The following ANO8 variants were observed in gnomAD, a reference collection of about 807,000 sequenced individuals.
ANO8 encodes the protein anoctamin-8.
In ANO8, 67 loss-of-function variants were observed where a neutral mutation model predicts 120.4. The ratio of observed to expected loss-of-function variants is 0.56; its 90% confidence interval spans 0.46 to 0.68. The LOEUF (loss-of-function observed/expected upper bound fraction) is 0.68. Ranked by LOEUF, ANO8 falls within the 30% of genes least tolerant of loss-of-function variation. The probability of loss-of-function intolerance (pLI) is 0.00; values close to 1 mark genes in which losing one functional copy is unlikely to be tolerated. For synonymous variants in ANO8, 727 were observed against 759.2 expected (o/e 0.96, Z 0.70); for missense variants, 1,526 against 1,737.6 (o/e 0.88, Z 2.16).
chr19:17,333,784 C>T lies in ANO8; in HGVS notation c.123G>A (p.Lys41=), dbSNP rs1398753545. The T allele has an allele frequency of 6.2e-7, 1 of 1,601,304 alleles. No homozygotes were observed. Among genetic ancestry groups the T allele is most frequent in the Non-Finnish European group, 8.5e-7 (1 of 1,175,154 alleles). ...ASGVLDKLFG[K]RLLQAGRYLV... is the part of the protein sequence containing the mutation. ...GGTAGCGACCAGCCTGCAGGAGCCGCTTTCCGAAAAGCTTATCTAGGGGGC... is the reference window on the plus strand; with the variant it reads ...GGTAGCGACCAGCCTGCAGGAGCCGTTTTCCGAAAAGCTTATCTAGGGGGC... The change falls in exon 2 of 18, where the codon AAG becomes AAA. Residue 41 remains lysine, a synonymous_variant. Coordinates refer to ENST00000159087, the MANE Select transcript of ANO8 (RefSeq NM_020959.3). The surrounding 1 kb of genome is among the most constrained non-coding windows in gnomAD (Gnocchi z 7.2).
Position 17,323,311 on chromosome 19 carries a change from C to CTGTGTGTG in ANO8, c.*198_*205dup, listed in dbSNP as rs58263758. The CTGTGTGTG allele has an allele frequency of 0.094, 30,631 of 324,904 alleles. 969 individuals carry two copies. The highest frequency in any genetic ancestry group is 0.11 in the Non-Finnish European group (19,001 of 178,630). 20.1% of individuals were successfully genotyped at this position (324,904 alleles called of 1,614,324 possible). A position where few individuals can be genotyped will look rare whatever the true frequency, so the allele number is the denominator to read the frequency against. On this transcript the variant is annotated 3_prime_UTR_variant, in exon 18 of 18. Transcript: ENST00000159087. Reference sequence around the variant, plus strand: ...AAAAACAAATAAATAATCGCCTGTTCTGTGTGTGTGTGTGTGTGTGTGTGT... The same window carrying CTGTGTGTG: ...AAAAACAAATAAATAATCGCCTGTTCTGTGTGTGTGTGTGTGTGTGTGTGTGTGTGTGT...
At position 17,330,164 on chromosome 19, in the gene ANO8, C is replaced by T. The variant is rs779025602; in HGVS notation, c.1234G>A (p.Glu412Lys). Residue 412 changes from glutamate to lysine, a missense_variant, in exon 10 of 18, where the codon GAG becomes AAG. Glu to Lys is a moderately conservative substitution (Grantham distance 56, BLOSUM62 1). This residue lies in a region of ANO8 where 91 missense variants were observed against 85.3 expected (regional missense o/e 1.07). Coordinates refer to ENST00000159087, the MANE Select transcript of ANO8 (RefSeq NM_020959.3). ...MLALLVSVSA[E>K]GYKKLAIWLN... Reference sequence around the variant, plus strand: ...CAGATGGCTAGCTTCTTGTAGCCCTCGGCACTCACACTGACAAGCAGGGCC... The same window carrying T: ...CAGATGGCTAGCTTCTTGTAGCCCTTGGCACTCACACTGACAAGCAGGGCC... 9 of 1,613,882 alleles carry T rather than the reference C, an allele frequency of 5.6e-6. No homozygotes were observed. Among genetic ancestry groups the T allele is most frequent in the African/African-American group, 1.3e-5 (1 of 74,862 alleles).
chr19:17,324,912 G>T lies in ANO8; in HGVS notation c.3136C>A (p.Pro1046Thr), dbSNP rs2145683350. The T allele has an allele frequency of 1.2e-6, 2 of 1,613,458 alleles. No homozygotes were observed. The highest frequency in any genetic ancestry group is 2.2e-5 in the East Asian group (1 of 44,874). The change falls in exon 17 of 18, where the codon CCC becomes ACC. Residue 1046 changes from proline to threonine, a missense_variant. Around this residue, in one of 8 missense-constraint regions of ANO8, gnomAD observed 489 missense variants for 548.6 expected, o/e 0.89. Coordinates refer to ENST00000159087, the MANE Select transcript of ANO8 (RefSeq NM_020959.3). ...RRDSERSHSP[P>T]KAFHAGKLFP... ...AGCTTGCCAGCATGGAAGGCTTTGGGCGGTGAGTGGCTGCGCTCAGAGTCC... is the reference window on the plus strand; with the variant it reads ...AGCTTGCCAGCATGGAAGGCTTTGGTCGGTGAGTGGCTGCGCTCAGAGTCC...
At position 17,334,746 on chromosome 19, in the gene ANO8, C is replaced by A; in HGVS notation, c.-76G>T. On this transcript the variant is annotated 5_prime_UTR_variant, in exon 1 of 18. Coordinates refer to ENST00000159087, the MANE Select transcript of ANO8 (RefSeq NM_020959.3). ...CCGCGGGCTCATGGGGCCGGTGCAG[C>A]CGCGGAGCGCGCGGGAGGAGGAGAC... 7.9e-7 allele frequency: 1 copy of A among 1,258,558 alleles called. No homozygotes were observed. The highest frequency in any genetic ancestry group is 1.0e-6 in the Non-Finnish European group (1 of 970,232). The allele number at this position is 1,258,558 out of a possible 1,614,324, so 78.0% of individuals were successfully genotyped here.
Position 17,323,876 on chromosome 19 carries a change from G to A in ANO8, c.3340C>T (p.Leu1114=). ...RPEEEGSGTA[L]APVGAPALRT... is the part of the protein sequence containing the mutation. ...AGGGCAGGGGCGCCCACGGGGGCCA[G>A]CGCTGTCCCTGCGGAGGCGAGAGGG... Residue 1114 remains leucine, a synonymous_variant, in exon 18 of 18, where the codon CTG becomes TTG. Transcript: ENST00000159087. 1 of 1,120,994 alleles carries A rather than the reference G, an allele frequency of 8.9e-7. No individual in the cohort carries two copies. Among genetic ancestry groups the A allele is most frequent in the Middle Eastern group, 3.8e-4 (1 of 2,598 alleles). 69.4% of individuals were successfully genotyped at this position (1,120,994 alleles called of 1,614,324 possible).
intron 12 of ANO8, 46 bp from the exon 13 acceptor site, chr19:17,329,029 G>A (rs2074297603): frequency 1.4e-6 from 2 of 1,389,420 alleles, no homozygotes; most frequent in African/African-American, 3.0e-5. Context: ...GGGGCAAGCG[G>A]GGCGCCGGGA....
At chr19:17,330,753 C>A in intron 8 of ANO8, 75 bp downstream of exon 8, 1 of 1,534,106 alleles carries the variant, frequency 6.5e-7, no homozygotes, top group Non-Finnish European at 8.8e-7. Context: ...CACCTCTCTG[C>A]CTTTGCTCCT....
At position 17,328,376 on chromosome 19, in the gene ANO8, T is replaced by G; in HGVS notation, c.2012A>C (p.Glu671Ala). ...DEAEGAPGSP[E>A]REPPAILFRR... ...GAACAAGATGGCCGGGGGCTCCCGT[T>G]CAGGGCTGCCGGGAGCCCCCTCCGC... Residue 671 changes from glutamate (E) to alanine (A), a missense_variant, in exon 13 of 18, where the codon GAA becomes GCA. By Grantham distance (107) the Glu-to-Ala change is moderately radical. Transcript: ENST00000159087. 1.3e-6 allele frequency: 2 copies of G among 1,574,232 alleles called. No homozygotes were observed. Among genetic ancestry groups the G allele is most frequent in the South Asian group, 2.3e-5 (2 of 87,584 alleles).
intron 17 of ANO8, among the ~76,000 whole-genome samples, chr19:17,324,352 T>TG (rs1314028259): frequency 1.3e-5 from 2 of 152,028 alleles, no homozygotes; most frequent in South Asian, 2.1e-4. Context: ...CATAGAGGCC[T>TG]GGGGGGTCAA....
Position 17,324,717 on chromosome 19 carries a change from C to A in ANO8, c.3331G>T (p.Gly1111Trp). Reference protein sequence around the residue: ...EAPRPEEEGSGTALAPVGAPA... With the variant: ...EAPRPEEEGSWTALAPVGAPA... ...CCACCCCCGAGTTAAAGCTTGTGACCTGAGCCTTCCTCTTCGGGCCGGGGG... is the reference window on the plus strand; with the variant it reads ...CCACCCCCGAGTTAAAGCTTGTGACATGAGCCTTCCTCTTCGGGCCGGGGG... The change falls in exon 17 of 18, where the codon GGG (glycine) becomes TGG (tryptophan). Residue 1111 changes from glycine (G) to tryptophan (W), a missense_variant and splice_region_variant. Gly to Trp is a radical substitution (Grantham distance 184). Transcript: ENST00000159087. The A allele has an allele frequency of 1.3e-6, 2 of 1,522,474 alleles. No homozygotes were observed. Among genetic ancestry groups the A allele is most frequent in the Non-Finnish European group, 1.8e-6 (2 of 1,137,884 alleles). The allele number at this position is 1,522,474 out of a possible 1,614,324, so 94.3% of individuals were successfully genotyped here.
chr19:17,330,402 C>T lies in ANO8; in HGVS notation c.1096G>A (p.Ala366Thr). The change falls in exon 9 of 18, where the codon GCG becomes ACG. Residue 366 changes from alanine to threonine, a missense_variant. Around this residue, in one of 8 missense-constraint regions of ANO8, gnomAD observed 91 missense variants for 85.3 expected, o/e 1.07. Transcript: ENST00000159087. ...AGCAAGAAGACACAGACGAGGCACGCCAGGCACAGGGGGAGGCTCACAAGC... is the reference window on the plus strand; with the variant it reads ...AGCAAGAAGACACAGACGAGGCACGTCAGGCACAGGGGGAGGCTCACAAGC... ...QLLVSLPLCL[A>T]CLVCVFLLML... 6.3e-7 allele frequency: 1 copy of T among 1,582,340 alleles called. No individual in the cohort carries two copies. Among genetic ancestry groups the T allele is most frequent in the South Asian group, 1.1e-5 (1 of 87,446 alleles).
Position 17,331,931 on chromosome 19 carries a change from C to CTTTTT in ANO8, c.587-525_587-521dup, listed in dbSNP as rs71180396. Among the ~76,000 whole-genome samples the CTTTTT allele has an allele frequency of 3.8e-3, 302 of 78,592 alleles. 11 individuals are homozygous for CTTTTT. Among genetic ancestry groups the CTTTTT allele is most frequent in the Non-Finnish European group, 5.1e-3 (218 of 43,166 alleles). The allele number at this position is 78,592 out of a possible 152,430, so 51.6% of individuals were successfully genotyped here. A position where few individuals can be genotyped will look rare whatever the true frequency, so the allele number is the denominator to read the frequency against. On this transcript the variant is annotated intron_variant, in intron 5 of 17. Transcript: ENST00000159087. ...TACAGGTGTGAGCCACCGCGCCCGG[C>CTTTTT]TTTTTTTTTTTTTTTTTTTTTTTAG... is the stretch of plus-strand genomic sequence containing the variant.
chr19:17,330,712 A>C lies in ANO8; in HGVS notation c.993+116T>G. 6.1e-6 allele frequency: 9 copies of C among 1,469,080 alleles called. No individual in the cohort carries two copies. The South Asian group carries it at 9.2e-5, about 15-fold the overall frequency. The allele number at this position is 1,469,080 out of a possible 1,614,324, so 91.0% of individuals were successfully genotyped here. ...CACACAGAGCCCGCCTCGGTTTGGC[A>C]TACCCTCTTTGATGAAACAATCCTG... On this transcript the variant is annotated intron_variant, in intron 8 of 17. Transcript: ENST00000159087.
chr19:17,323,350 GTTGGATT>G lies in ANO8; in HGVS notation c.*160_*166del. On this transcript the variant is annotated 3_prime_UTR_variant, in exon 18 of 18. Transcript: ENST00000159087. ...GTGTGTGTGTGTGTGTGTGTTTTCT[GTTGGATT>G]TGTGGGTTTCCTTTCGTTTGGAAAG... is the stretch of plus-strand genomic sequence containing the variant. 17 of 331,366 alleles carry G rather than the reference GTTGGATT, an allele frequency of 5.1e-5. No homozygotes were observed. The highest frequency in any genetic ancestry group is 8.2e-4 in the Middle Eastern group (1 of 1,220). 20.5% of individuals were successfully genotyped at this position (331,366 alleles called of 1,614,324 possible). A position where few individuals can be genotyped will look rare whatever the true frequency, so the allele number is the denominator to read the frequency against.
chr19:17,325,135 T>TGCCAGCAGGGACCCTGGGCGCTTGG lies in ANO8; in HGVS notation c.2888_2912dup (p.Pro972GlnfsTer77). 1 of 1,613,644 alleles carries TGCCAGCAGGGACCCTGGGCGCTTGG rather than the reference T, an allele frequency of 6.2e-7. No individual in the cohort carries two copies. The highest frequency in any genetic ancestry group is 2.2e-5 in the East Asian group (1 of 44,872). ...GCTTCAACTTCATGACGTTGTTGGGTGCCAGCAGGGACCCTGGGCGCTTGG... is the reference window on the plus strand; with the variant it reads ...GCTTCAACTTCATGACGTTGTTGGGTGCCAGCAGGGACCCTGGGCGCTTGGGCCAGCAGGGACCCTGGGCGCTTGG... On this transcript the variant is annotated frameshift_variant, in exon 17 of 18. Coordinates refer to ENST00000159087, the MANE Select transcript of ANO8 (RefSeq NM_020959.3). LOFTEE classifies it high-confidence loss of function.
rs752024286 is a variant in ANO8 at position 17,333,801 on chromosome 19, C to G, written c.107-1G>C. On this transcript the variant is annotated splice_acceptor_variant, in intron 1 of 17. Coordinates refer to ENST00000159087, the MANE Select transcript of ANO8 (RefSeq NM_020959.3). LOFTEE classifies it high-confidence loss of function. This position sits in a 1 kb window ranked among gnomAD's most constrained non-coding sequence, Gnocchi z 7.2. ...AGGAGCCGCTTTCCGAAAAGCTTAT[C>G]TAGGGGGCGGCGTAGCAGGCCCGGG... 3 of 1,587,640 alleles carry G rather than the reference C, an allele frequency of 1.9e-6. No individual in the cohort carries two copies. Among genetic ancestry groups the G allele is most frequent in the Admixed American group, 3.5e-5 (2 of 56,570 alleles).
rs1309065591 is a variant in ANO8, at chr19:17,332,943, C to A, written c.573G>T (p.Glu191Asp). ...CGCCCTGCTCACTGATTGGCTGGTC[C>A]TCCAGGAAGCGCACGTTGTGGAGTG... ...GEALHNVRFL[E>D]DQPIIPELAA... Residue 191 changes from glutamate (E) to aspartate (D), a missense_variant, in exon 5 of 18, where the codon GAG (glutamate) becomes GAT (aspartate). Glu to Asp is a conservative substitution (Grantham distance 45). Transcript: ENST00000159087. 3.7e-6 allele frequency: 6 copies of A among 1,614,022 alleles called. No homozygotes were observed. The highest frequency in any genetic ancestry group is 5.1e-6 in the Non-Finnish European group (6 of 1,180,054).
Position 17,333,464 on chromosome 19 carries a change from T to G in ANO8, c.308A>C (p.His103Pro). 1 of 1,613,418 alleles carries G rather than the reference T, an allele frequency of 6.2e-7. No individual in the cohort carries two copies. Among genetic ancestry groups the G allele is most frequent in the East Asian group, 2.2e-5 (1 of 44,876 alleles). ...GACAAAGAAGGCGTAGGCACGCGTG[T>G]GGCGGTGGTGGCGGACTTGCACGAT... The part of the protein sequence containing the change: ...ELIVQVRHHR[H>P]TRAYAFFVTA... Residue 103 changes from histidine (H) to proline (P), a missense_variant, in exon 3 of 18, where the codon CAC (histidine) becomes CCC (proline). This residue lies in a region of ANO8 where 322 missense variants were observed against 431.8 expected (regional missense o/e 0.75). Coordinates refer to ENST00000159087, the MANE Select transcript of ANO8 (RefSeq NM_020959.3). The surrounding 1 kb of genome is among the most constrained non-coding windows in gnomAD (Gnocchi z 7.2).
chr19:17,333,060 A>C lies in ANO8; in HGVS notation c.490-34T>G, dbSNP rs761073455. On this transcript the variant is annotated intron_variant, in intron 4 of 17. Transcript: ENST00000159087. This position sits in a 1 kb window ranked among gnomAD's most constrained non-coding sequence, Gnocchi z 7.2. ...AAGAGGGCGTGAGCTCAGGGAACTC[A>C]TAGGCACAGGATGCATGCGGGGGCC... 1.9e-6 allele frequency: 3 copies of C among 1,613,896 alleles called. No homozygotes were observed. Among genetic ancestry groups the C allele is most frequent in the African/African-American group, 2.7e-5 (2 of 74,946 alleles).
Sources: allele counts gnomAD v4.1 joint callset (sites outside exome capture counted in the v4.1 genomes callset), GRCh38; gene constraint gnomAD v4.1.1; regional missense constraint gnomAD v4.1.1; non-coding constraint Gnocchi (gnomAD v3.1); transcripts MANE v1.5; gene names NCBI Gene and HGNC (gene_info 2026-07-23, HGNC 2026-07-21).